Variants in FAR1 observed in about 807,000 individuals in gnomAD.
FAR1 encodes the protein fatty acyl-CoA reductase 1.
In FAR1, 22 loss-of-function variants were observed where a neutral mutation model predicts 61.1. That is an observed-to-expected ratio of 0.36 (90% CI 0.26 to 0.51). The LOEUF is 0.51. Among genes scored for constraint, FAR1 ranks in the 20% least tolerant of loss-of-function variants. The probability of loss-of-function intolerance (pLI) is 0.95; values close to 1 mark genes in which losing one functional copy is unlikely to be tolerated. For synonymous variants in FAR1, 206 were observed against 209.7 expected (o/e 0.98, Z 0.15); for missense variants, 359 against 626.9 (o/e 0.57, Z 4.56).
At chr11:13,728,437 T>C (rs1368800809) in intron 11 of FAR1, among the ~76,000 whole-genome samples, 175 bp from the exon 12 acceptor site, 1 of 151,926 alleles carries the variant, frequency 6.6e-6, no homozygotes, top group Non-Finnish European at 1.5e-5. Context: ...GATGGGAAGC[T>C]CTAGAAATTC....
intron 10 of FAR1, among the ~76,000 whole-genome samples, chr11:13,722,866 A>C (rs568254403): frequency 1.3e-3 from 161 of 128,632 alleles, no homozygotes; most frequent in Middle Eastern, 4.2e-3. Context: ...CTCTATATAT[A>C]TATATATATA....
intron 9 of FAR1, among the ~76,000 whole-genome samples, chr11:13,716,200 A>C (rs1239363709): frequency 6.6e-6 from 1 of 151,706 alleles, no homozygotes; most frequent in Non-Finnish European, 1.5e-5. Context: ...AAAAGTAAAA[A>C]CTGGGTCAAA....
chr11:13,730,864 G>A lies in FAR1; in HGVS notation c.*2090G>A, dbSNP rs1848717720. 1 of 152,112 alleles carries A rather than the reference G, an allele frequency of 6.6e-6. No homozygotes were observed. Among genetic ancestry groups the A allele is most frequent in the South Asian group, 2.1e-4 (1 of 4,830 alleles). 9.4% of individuals were successfully genotyped at this position (152,112 alleles called of 1,614,324 possible). On this transcript the variant is annotated 3_prime_UTR_variant, in exon 12 of 12. Coordinates refer to ENST00000354817, the MANE Select transcript of FAR1 (RefSeq NM_032228.6). ...CAAAAGAAAACTAATGAATAAATTA[G>A]TTTGTCATTCTAGAATTTAAAGTTC...
At chr11:13,684,733 T>C (rs560802306) in intron 1 of FAR1, among the ~76,000 whole-genome samples, 1 of 152,320 alleles carries the variant, frequency 6.6e-6, no homozygotes, top group African/African-American at 2.4e-5. Context: ...CATTCAGTAT[T>C]GAAAATGTTT....
chr11:13,714,211 T>C (rs972315439), intron 8 of FAR1, among the ~76,000 whole-genome samples: 1 of 152,066 alleles, frequency 6.6e-6, no homozygotes, highest in African/African-American at 2.4e-5. Flanking sequence ...AGGTGAAATA[T>C]AGAAAGTGAC....
chr11:13,712,993 T>C lies in FAR1; in HGVS notation c.915T>C (p.Cys305=), dbSNP rs527972083. 3 of 1,613,228 alleles carry C rather than the reference T, an allele frequency of 1.9e-6. No individual in the cohort carries two copies. The South Asian group carries it at 3.3e-5, about 18-fold the overall frequency. ...NRPRNIMVYN[C]TTGSTNPFHW... The stretch of plus-strand genomic sequence containing the variant: ...CAAGAAACATCATGGTGTATAATTG[T>C]ACAACAGGCAGCACTAATCCTTTCC... The change falls in exon 8 of 12, where the codon TGT becomes TGC. Residue 305 remains cysteine (C), a synonymous_variant. Coordinates refer to ENST00000354817, the MANE Select transcript of FAR1 (RefSeq NM_032228.6).
chr11:13,708,961 G>C (rs891451642), intron 4 of FAR1, among the ~76,000 whole-genome samples: 3 of 152,156 alleles, frequency 2.0e-5, no homozygotes, highest in Non-Finnish European at 2.9e-5. Flanking sequence ...CTCATTTGCT[G>C]CAGCTCAGGC....
At chr11:13,675,715 T>C (rs1398090152) in intron 1 of FAR1, among the ~76,000 whole-genome samples, 1 of 152,172 alleles carries the variant, frequency 6.6e-6, no homozygotes, top group Non-Finnish European at 1.5e-5. Flanking sequence ...TCAGCTTTGG[T>C]GTGCAGTTGT....
At chr11:13,690,595 T>C (rs1848238611) in intron 1 of FAR1, among the ~76,000 whole-genome samples, 1 of 152,232 alleles carries the variant, frequency 6.6e-6, no homozygotes, top group Non-Finnish European at 1.5e-5. Context: ...GATAATTGAC[T>C]CTGCACCATT....
intron 1 of FAR1, among the ~76,000 whole-genome samples, chr11:13,677,398 G>A (rs538567293): frequency 6.6e-6 from 1 of 152,200 alleles, no homozygotes; most frequent in African/African-American, 2.4e-5. Context: ...GTTGCAAGCT[G>A]TGTCTATGAA....
intron 2 of FAR1, among the ~76,000 whole-genome samples, chr11:13,699,737 C>G (rs1848349394): frequency 6.6e-6 from 1 of 152,110 alleles, no homozygotes; most frequent in Non-Finnish European, 1.5e-5. Context: ...AGCTTAAATC[C>G]TATATATGTA....
chr11:13,705,427 A>G (rs958154274), intron 3 of FAR1, among the ~76,000 whole-genome samples: 1 of 152,138 alleles, frequency 6.6e-6, no homozygotes, highest in Non-Finnish European at 1.5e-5. Flanking sequence ...AAGGCAAGGC[A>G]TAGAAGTGTT....
intron 1 of FAR1, among the ~76,000 whole-genome samples, chr11:13,673,576 C>T (rs1262846234): frequency 6.6e-6 from 1 of 152,166 alleles, no homozygotes; most frequent in Admixed American, 6.5e-5. Flanking sequence ...ATGCCACAAG[C>T]CTTAGGTATT....
At chr11:13,726,727 CTTTT>C (rs896994096) in intron 10 of FAR1, among the ~76,000 whole-genome samples, 1 of 141,682 alleles carries the variant, frequency 7.1e-6, no homozygotes, top group Non-Finnish European at 1.6e-5. Context: ...GCTTCTCTTC[CTTTT>C]TTTTTTTTTT....
At chr11:13,714,412 T>C (rs1354561799) in intron 8 of FAR1, 97 bp from the exon 9 acceptor site, 2 of 1,227,522 alleles carry the variant, frequency 1.6e-6, no homozygotes, top group Admixed American at 2.9e-5. Context: ...CTGACATCTT[T>C]GGTAAAATAT....
Position 13,692,641 on chromosome 11 carries a change from T to C in FAR1, c.-7-2118T>C, listed in dbSNP as rs180928213. On this transcript the variant is annotated intron_variant, in intron 1 of 11. Coordinates refer to ENST00000354817, the MANE Select transcript of FAR1 (RefSeq NM_032228.6). ...TTTCTTATTGGTATACAGAAATACATTTTTTCTCCATATAAACCTTGTAAT... is the reference window on the plus strand; with the variant it reads ...TTTCTTATTGGTATACAGAAATACACTTTTTCTCCATATAAACCTTGTAAT... 2.6e-5 allele frequency among the ~76,000 whole-genome samples: 4 copies of C among 152,358 alleles called. No individual in the cohort carries two copies. The East Asian group carries it at 5.8e-4, about 22-fold the overall frequency.
intron 4 of FAR1, among the ~76,000 whole-genome samples, 164 bp from the exon 5 acceptor site, chr11:13,710,529 T>C (rs1848486460): frequency 6.6e-6 from 1 of 152,116 alleles, no homozygotes; most frequent in African/African-American, 2.4e-5. Context: ...GACCTGTAGT[T>C]GATGTTTAAG....
At chr11:13,717,445 T>C (rs1157091663) in intron 9 of FAR1, among the ~76,000 whole-genome samples, 1 of 152,168 alleles carries the variant, frequency 6.6e-6, no homozygotes, top group Non-Finnish European at 1.5e-5. Context: ...TCTATAACAT[T>C]TCTGAATTCC....
At chr11:13,671,891 A>T (rs113335534) in intron 1 of FAR1, among the ~76,000 whole-genome samples, 7 of 152,158 alleles carry the variant, frequency 4.6e-5, no homozygotes, top group African/African-American at 1.7e-4. Flanking sequence ...TTTTCTAGAG[A>T]TTGTCAGTTT....
Sources: gnomAD v4.1 joint callset for allele counts (sites outside exome capture counted in the v4.1 genomes callset) on GRCh38, gnomAD v4.1.1 for gene constraint, MANE v1.5 for transcripts, NCBI Gene and HGNC (gene_info 2026-07-23, HGNC 2026-07-21) for gene names.